The following C9orf85 variants were observed in gnomAD, a reference collection of about 807,000 sequenced individuals.
The protein encoded by C9orf85 is uncharacterized protein C9orf85.
A neutral mutation model predicts 14.9 loss-of-function variants in C9orf85; 16 were observed. The ratio of observed to expected loss-of-function variants is 1.08; its 90% CI spans 0.73 to 1.63. The LOEUF is 1.63. Ranked by LOEUF, C9orf85 falls within the 40% of genes most tolerant of loss-of-function variation. C9orf85 has a pLI of 0.00. For missense variants in C9orf85, 172 were observed against 186.1 expected (o/e 0.92, Z 0.44); for synonymous variants, 45 against 56.8 (o/e 0.79, Z 0.93).
chr9:71,928,218 C>T (rs1473475105), intron 1 of C9orf85, among the ~76,000 whole-genome samples: 1 of 140,174 alleles, frequency 7.1e-6, no homozygotes, highest in Non-Finnish European at 1.5e-5. Flanking sequence ...AAAAAAAAGG[C>T]AATGGCTTAT....
intron 2 of C9orf85, among the ~76,000 whole-genome samples, chr9:71,963,600 G>A (rs1822589139): frequency 6.6e-6 from 1 of 152,214 alleles, no homozygotes; most frequent in Non-Finnish European, 1.5e-5. Flanking sequence ...TGGAGTTCCG[G>A]GTGGGCGTGG....
chr9:71,977,873 T>C (rs1823033899), downstream of C9orf85, among the ~76,000 whole-genome samples: 1 of 152,196 alleles, frequency 6.6e-6, no homozygotes, highest in Non-Finnish European at 1.5e-5. Context: ...ATCTCTATGC[T>C]AGTGAGTCCC....
chr9:71,920,305 G>A (rs1012531626), intron 1 of C9orf85, among the ~76,000 whole-genome samples: 1 of 152,082 alleles, frequency 6.6e-6, no homozygotes, highest in Non-Finnish European at 1.5e-5. Context: ...TATACTTACT[G>A]TTTTTAGGGA....
chr9:71,934,913 TACTC>T (rs985683360), intron 1 of C9orf85, among the ~76,000 whole-genome samples: 1 of 152,050 alleles, frequency 6.6e-6, no homozygotes, highest in Non-Finnish European at 1.5e-5. Context: ...CTATAACTAT[TACTC>T]AACAACAAAA....
intron 1 of C9orf85, among the ~76,000 whole-genome samples, chr9:71,931,323 C>T (rs575788422): frequency 3.3e-5 from 5 of 152,220 alleles, no homozygotes; most frequent in East Asian, 3.9e-4. Flanking sequence ...ACTGTTTCTG[C>T]GTATGCTAGA....
In C9orf85 at chr9:71,917,090, A is replaced by G. The variant is rs532519559; in HGVS notation, c.102+5254A>G. ...TTGGTTGGATGGGATCTGTGGGAGG[A>G]CAATTCAAAGGGCAAGTAAATCAAA... On this transcript the variant is annotated intron_variant, in intron 1 of 3. Coordinates refer to ENST00000334731, the MANE Select transcript of C9orf85 (RefSeq NM_182505.5). Among the ~76,000 whole-genome samples the G allele has an allele frequency of 3.3e-5, 5 of 152,282 alleles. No homozygotes were observed. In the East Asian group the frequency reaches 9.6e-4, roughly 29 times the overall value.
intron 1 of C9orf85, among the ~76,000 whole-genome samples, chr9:71,946,566 G>A (rs903775824): frequency 1.3e-5 from 2 of 152,026 alleles, no homozygotes; most frequent in Admixed American, 6.6e-5. Flanking sequence ...AGGCCGAGGC[G>A]GGTGAATCAT....
intron 2 of C9orf85, among the ~76,000 whole-genome samples, chr9:71,961,446 A>G (rs1822521726): frequency 6.6e-6 from 1 of 152,070 alleles, no homozygotes; most frequent in South Asian, 2.1e-4. Context: ...CTGTAGTCCC[A>G]GCTACCAGGG....
downstream of C9orf85, among the ~76,000 whole-genome samples, chr9:71,977,118 C>A (rs1273645471): frequency 5.9e-5 from 9 of 152,202 alleles, no homozygotes; most frequent in African/African-American, 2.2e-4. Context: ...CCTGGGCTCA[C>A]CCACCTCTAG....
downstream of C9orf85, chr9:71,985,752 G>C (rs1823200986): frequency 6.6e-6 from 1 of 152,160 alleles, no homozygotes; most frequent in Non-Finnish European, 1.5e-5. Context: ...AAAGCTAAAG[G>C]TCAGTGTTTC....
intron 2 of C9orf85, among the ~76,000 whole-genome samples, chr9:71,962,349 CTAAG>C (rs1470232700): frequency 6.6e-6 from 1 of 152,208 alleles, no homozygotes; most frequent in African/African-American, 2.4e-5. Context: ...AAAGCATTCT[CTAAG>C]TAGCATATGA....
At chr9:71,928,641 C>T (rs958715075) in intron 1 of C9orf85, among the ~76,000 whole-genome samples, 2 of 152,028 alleles carry the variant, frequency 1.3e-5, no homozygotes, top group African/African-American at 4.8e-5. Context: ...CTGAGTCACT[C>T]TTTATATAAC....
rs957089111 is a variant in C9orf85 at position 71,915,977 on chromosome 9, T to C, written c.102+4141T>C. 5.9e-5 allele frequency among the ~76,000 whole-genome samples: 9 copies of C among 152,222 alleles called. 1 individual carries two copies. The stretch of plus-strand genomic sequence containing the variant: ...CTGTCTGTATTCCACATGTGTTATC[T>C]GGTACCAAACATTGTGCTAGATATT... On this transcript the variant is annotated intron_variant, in intron 1 of 3. Coordinates refer to ENST00000334731, the MANE Select transcript of C9orf85 (RefSeq NM_182505.5).
At chr9:71,942,772 G>T (rs575867117) in intron 1 of C9orf85, among the ~76,000 whole-genome samples, 1 of 152,038 alleles carries the variant, frequency 6.6e-6, no homozygotes, top group Non-Finnish European at 1.5e-5. Context: ...GCATGGTGGC[G>T]TGTGCCTGTA....
chr9:71,975,307 G>A (rs1305020789), downstream of C9orf85, among the ~76,000 whole-genome samples: 2 of 151,958 alleles, frequency 1.3e-5, no homozygotes, highest in Non-Finnish European at 2.9e-5. Context: ...AGCCGGGTGT[G>A]GTAGGTGCCT....
At chr9:71,950,409 C>G (rs1420982704) in intron 2 of C9orf85, among the ~76,000 whole-genome samples, 1 of 152,068 alleles carries the variant, frequency 6.6e-6, no homozygotes, top group African/African-American at 2.4e-5. Flanking sequence ...ACCCTGTTGC[C>G]CAGGCTAGAA....
At chr9:71,964,865 C>A (rs1249656919) in intron 2 of C9orf85, among the ~76,000 whole-genome samples, 1 of 152,100 alleles carries the variant, frequency 6.6e-6, no homozygotes, top group Admixed American at 6.6e-5. Flanking sequence ...ACTGTGGAAC[C>A]CAGTGACTAG....
At position 71,911,844 on chromosome 9, in the gene C9orf85, C is replaced by T. The variant is rs767665153; in HGVS notation, c.102+8C>T. On this transcript the variant is annotated splice_region_variant and intron_variant, in intron 1 of 3. Coordinates refer to ENST00000334731, the MANE Select transcript of C9orf85 (RefSeq NM_182505.5). Reference sequence around the variant, plus strand: ...AAAAGTGTGCAGACCAAGGTAGGAACCTGCCTGTTGCACCGTCTTTGACTC... The same window carrying T: ...AAAAGTGTGCAGACCAAGGTAGGAATCTGCCTGTTGCACCGTCTTTGACTC... The T allele has an allele frequency of 2.6e-5, 42 of 1,612,152 alleles. No individual in the cohort carries two copies. The highest frequency in any genetic ancestry group is 1.5e-4 in the South Asian group (14 of 91,032).
In C9orf85 at chr9:71,911,844, C is replaced by G. The variant is rs767665153; in HGVS notation, c.102+8C>G. 6.2e-7 allele frequency: 1 copy of G among 1,612,152 alleles called. No homozygotes were observed. The highest frequency in any genetic ancestry group is 8.5e-7 in the Non-Finnish European group (1 of 1,178,350). On this transcript the variant is annotated splice_region_variant and intron_variant, in intron 1 of 3. Coordinates refer to ENST00000334731, the MANE Select transcript of C9orf85 (RefSeq NM_182505.5). ...AAAAGTGTGCAGACCAAGGTAGGAA[C>G]CTGCCTGTTGCACCGTCTTTGACTC...
Sources: gnomAD v4.1 joint callset for allele counts (sites outside exome capture counted in the v4.1 genomes callset) on GRCh38, gnomAD v4.1.1 for gene constraint, MANE v1.5 for transcripts, NCBI Gene and HGNC (gene_info 2026-07-23, HGNC 2026-07-21) for gene names.